SAXO1: variants seen among roughly 807,000 people sequenced by gnomAD.
SAXO1 encodes the protein stabilizer of axonemal microtubules 1, also known as 4930500O09Rik.
Under a neutral mutation model 17.5 loss-of-function variants are expected in SAXO1, and 21 were observed. The observed-to-expected ratio is 1.20, with a 90% confidence interval of 0.85 to 1.72. SAXO1 has a LOEUF of 1.72. Among genes scored for constraint, SAXO1 ranks in the 40% most tolerant of loss-of-function variants. The pLI is 0.00. For missense variants in SAXO1, 843 were observed against 596.0 expected, an observed-to-expected ratio of 1.41 and a Z score of -4.32; for synonymous variants, 274 against 216.5, an observed-to-expected ratio of 1.27 and a Z score of -2.33.
intron 3 of SAXO1, among the ~76,000 whole-genome samples, chr9:18,933,793 T>C (rs757281682): frequency 6.6e-5 from 10 of 152,222 alleles, no homozygotes; most frequent in Middle Eastern, 3.2e-3. Flanking sequence ...ACGCCTGTAA[T>C]CCCAGCACTT....
At chr9:18,978,747 T>C (rs141828761) in intron 1 of SAXO1, among the ~76,000 whole-genome samples, 179 of 152,316 alleles carry the variant, frequency 1.2e-3, no homozygotes, top group Non-Finnish European at 2.0e-3. Flanking sequence ...TAGGAAGATA[T>C]TATCAACAGT....
intron 1 of SAXO1, among the ~76,000 whole-genome samples, chr9:18,954,319 G>C (rs919407657): frequency 6.6e-6 from 1 of 151,742 alleles, no homozygotes; most frequent in Non-Finnish European, 1.5e-5. Context: ...TTGGAGCATT[G>C]GCTCCAAGCT....
chr9:18,967,421 C>T (rs186818068), intron 1 of SAXO1, among the ~76,000 whole-genome samples: 3 of 152,292 alleles, frequency 2.0e-5, no homozygotes, highest in Non-Finnish European at 4.4e-5. Flanking sequence ...GGGGCTGTTG[C>T]CTTTCTTTCA....
At chr9:19,032,790 A>C (rs62560459) in intron 1 of SAXO1, 81 bp downstream of exon 1, 160,322 of 1,497,820 alleles carry the variant, frequency 0.11, 11,349 homozygotes, top group African/African-American at 0.35. Flanking sequence ...CGCCTGATGA[A>C]GCAGCTGGGG....
At chr9:19,014,385 C>G (rs930564082) in intron 1 of SAXO1, among the ~76,000 whole-genome samples, 1 of 143,776 alleles carries the variant, frequency 7.0e-6, no homozygotes, top group South Asian at 2.2e-4. Flanking sequence ...TCCCTTGAAC[C>G]TGGGGGGCAA....
chr9:19,022,547 G>GA (rs1333627754), intron 1 of SAXO1, among the ~76,000 whole-genome samples: 2 of 152,086 alleles, frequency 1.3e-5, no homozygotes, highest in Non-Finnish European at 2.9e-5. Context: ...CAGAAGACTT[G>GA]AAATGCATCA....
chr9:19,005,326 G>A (rs1410373042), intron 1 of SAXO1, among the ~76,000 whole-genome samples: 3 of 151,100 alleles, frequency 2.0e-5, no homozygotes, highest in African/African-American at 7.3e-5. Context: ...AAATAATCTT[G>A]GAGAAAAAAA....
chr9:19,046,690 A>G (rs1836224578), intron 1 of SAXO1, among the ~76,000 whole-genome samples: 1 of 149,280 alleles, frequency 6.7e-6, no homozygotes, highest in African/African-American at 2.5e-5. Context: ...CAACAAGAGC[A>G]AAACTTCGTC....
chr9:18,933,843 A>C (rs368354432), intron 3 of SAXO1, among the ~76,000 whole-genome samples: 3 of 152,164 alleles, frequency 2.0e-5, no homozygotes, highest in Non-Finnish European at 2.9e-5. Flanking sequence ...TCAGGAGATC[A>C]AGACCATCCT....
intron 1 of SAXO1, among the ~76,000 whole-genome samples, chr9:18,966,021 A>G (rs559488080): frequency 5.3e-5 from 8 of 152,328 alleles, no homozygotes; most frequent in Non-Finnish European, 1.0e-4. Context: ...TTGGCTGGCT[A>G]TGAAATACTG....
chr9:18,944,274 C>A (rs930814028), intron 2 of SAXO1, among the ~76,000 whole-genome samples: 3 of 152,240 alleles, frequency 2.0e-5, no homozygotes, highest in African/African-American at 7.2e-5. Context: ...ATAACCTACC[C>A]AAACATAGTT....
intron 2 of SAXO1, among the ~76,000 whole-genome samples, chr9:18,944,015 C>A (rs184614112): frequency 1.1e-3 from 169 of 152,362 alleles, no homozygotes; most frequent in African/African-American, 3.2e-3. Context: ...GCATCTCCCA[C>A]GGCTTCTACC....
intron 1 of SAXO1, among the ~76,000 whole-genome samples, chr9:19,031,058 AAC>A (rs1835744166): frequency 6.6e-6 from 1 of 152,206 alleles, no homozygotes; most frequent in Admixed American, 6.5e-5. Flanking sequence ...ACAGAATGAG[AAC>A]AGAGTCAGAG....
At chr9:18,938,830 G>GTGTGTGTGTGTGTGTGTGTA (rs1554667868) in intron 3 of SAXO1, among the ~76,000 whole-genome samples, 2 of 147,766 alleles carry the variant, frequency 1.4e-5, no homozygotes, top group Admixed American at 1.3e-4. Flanking sequence ...GCGTGTGTGT[G>GTGTGTGTGTGTGTGTGTGTA]TGTGTGTGTG....
intron 1 of SAXO1, among the ~76,000 whole-genome samples, chr9:18,989,513 T>C (rs1322988016): frequency 6.6e-6 from 1 of 151,818 alleles, no homozygotes; most frequent in Non-Finnish European, 1.5e-5. Context: ...GACCAATTCA[T>C]ACAGAGCATG....
chr9:18,930,851 C>A (rs573575169), intron 3 of SAXO1, among the ~76,000 whole-genome samples: 38 of 152,110 alleles, frequency 2.5e-4, no homozygotes, highest in Non-Finnish European at 5.1e-4. Context: ...CCTAGGTTGC[C>A]CCATCAGGCC....
upstream of SAXO1, among the ~76,000 whole-genome samples, chr9:19,034,273 TG>T (rs35905857): frequency 1.5e-4 from 22 of 151,638 alleles, no homozygotes; most frequent in Admixed American, 3.9e-4. Flanking sequence ...TCTTTTTGTG[TG>T]GGGGGGGTTA....
At chr9:18,986,020 A>AT (rs1425652684) in intron 1 of SAXO1, among the ~76,000 whole-genome samples, 6 of 152,198 alleles carry the variant, frequency 3.9e-5, no homozygotes, top group Non-Finnish European at 8.8e-5. Flanking sequence ...CAGGCCTGGA[A>AT]TTTTTTTAAA....
At chr9:19,028,790 T>C (rs993238247) in intron 1 of SAXO1, among the ~76,000 whole-genome samples, 2 of 152,160 alleles carry the variant, frequency 1.3e-5, no homozygotes, top group African/African-American at 2.4e-5. Context: ...CACTGAAAAG[T>C]TTTACAAGTG....
Sources: allele counts gnomAD v4.1 joint callset (sites outside exome capture counted in the v4.1 genomes callset), GRCh38; gene constraint gnomAD v4.1.1; transcripts MANE v1.5; gene names NCBI Gene and HGNC (gene_info 2026-07-23, HGNC 2026-07-21).